UGT2B15: variants seen among roughly 807,000 people sequenced by gnomAD.
The protein encoded by UGT2B15 is UDP glucuronosyltransferase family 2 member B15.
UGT2B15 carries 36 observed loss-of-function variants against 45.9 expected under a neutral mutation model. The observed-to-expected ratio is 0.78, with a 90% confidence interval of 0.60 to 1.04. The LOEUF is 1.04. Ranked by LOEUF, UGT2B15 falls within the 50% of genes least tolerant of loss-of-function variation. UGT2B15 has a pLI of 0.00. For synonymous variants in UGT2B15, 219 were observed against 216.4 expected (o/e 1.01, Z -0.11); for missense variants, 617 against 622.4 (o/e 0.99, Z 0.09).
rs142591974 is a variant in UGT2B15 at position 68,648,495 on chromosome 4, C to T, written c.1314-1112G>A. ...CTTTTCCTGGCCACACTATAGGCAC[C>T]CATAGGATTTCTCTAGTGCTTCATG... On this transcript the variant is annotated intron_variant, in intron 5 of 5. Transcript: ENST00000338206. 3.7e-3 allele frequency among the ~76,000 whole-genome samples: 563 copies of T among 152,146 alleles called. 8 individuals are homozygous for T. Among genetic ancestry groups the T allele is most frequent in the African/African-American group, 0.013 (546 of 41,480 alleles).
chr4:68,655,005 A>G, intron 4 of UGT2B15, 90 bp downstream of exon 4: 1 of 1,442,884 alleles, frequency 6.9e-7, no homozygotes. Flanking sequence ...TTCCAATAAT[A>G]AATGCTAAAT....
rs187225745 is a variant in UGT2B15 at position 68,660,416 on chromosome 4, T to G, written c.1005+2592A>C. On this transcript the variant is annotated intron_variant, in intron 3 of 5. Coordinates refer to ENST00000338206, the MANE Select transcript of UGT2B15 (RefSeq NM_001076.4). ...ATTTGATGGTAGAAATCTATGGCTT[T>G]CCTCAGCTTTAAAAAAGTCCTATCT... 1.9e-3 allele frequency among the ~76,000 whole-genome samples: 293 copies of G among 151,814 alleles called. 1 individual carries two copies. The highest frequency in any genetic ancestry group is 6.1e-3 in the African/African-American group (252 of 41,202).
chr4:68,651,096 T>C (rs1463426936), intron 5 of UGT2B15, among the ~76,000 whole-genome samples: 1 of 151,534 alleles, frequency 6.6e-6, no homozygotes, highest in African/African-American at 2.4e-5. Flanking sequence ...CCTCATTCTG[T>C]AGGTTGCCTG....
intron 4 of UGT2B15, among the ~76,000 whole-genome samples, chr4:68,654,737 A>G (rs1732754292): frequency 6.6e-6 from 1 of 151,934 alleles, no homozygotes; most frequent in African/African-American, 2.4e-5. Context: ...AGTGTCCGCT[A>G]TTTTTCAGTG....
At chr4:68,659,959 T>C (rs1732916716) in intron 3 of UGT2B15, among the ~76,000 whole-genome samples, 1 of 151,740 alleles carries the variant, frequency 6.6e-6, no homozygotes, top group South Asian at 2.1e-4. Flanking sequence ...GAATCTTTTT[T>C]TTTTTGAGCT....
In UGT2B15 at chr4:68,647,013, GA is replaced by G; in HGVS notation, c.*90del. On this transcript the variant is annotated 3_prime_UTR_variant, in exon 6 of 6. Transcript: ENST00000338206. Reference sequence around the variant, plus strand: ...GTTGTGAAAAGATGTTTTGTCACAGGAAAAAGGAAATCCTCCATTTAAAACC... The same window carrying G: ...GTTGTGAAAAGATGTTTTGTCACAGGAAAAGGAAATCCTCCATTTAAAACC... 7.3e-6 allele frequency: 11 copies of G among 1,506,758 alleles called. No homozygotes were observed. The highest frequency in any genetic ancestry group is 9.8e-6 in the Non-Finnish European group (11 of 1,126,082). The allele number at this position is 1,506,758 out of a possible 1,614,324, so 93.3% of individuals were successfully genotyped here. A position where few individuals can be genotyped will look rare whatever the true frequency, so the allele number is the denominator to read the frequency against.
intron 3 of UGT2B15, among the ~76,000 whole-genome samples, chr4:68,656,640 C>G (rs1266975844): frequency 6.6e-6 from 1 of 152,136 alleles, no homozygotes; most frequent in Non-Finnish European, 1.5e-5. Flanking sequence ...ACTTTTCCTC[C>G]ACCCTATACC....
At chr4:68,667,335 A>G (rs1293281397) in intron 2 of UGT2B15, among the ~76,000 whole-genome samples, 2 of 151,894 alleles carry the variant, frequency 1.3e-5, no homozygotes, top group East Asian at 3.9e-4. Flanking sequence ...ATGCCTGGCT[A>G]TTATTTTATT....
chr4:68,664,425 A>G (rs772662561), intron 2 of UGT2B15, among the ~76,000 whole-genome samples: 4 of 152,116 alleles, frequency 2.6e-5, no homozygotes, highest in Non-Finnish European at 4.4e-5. Context: ...CCCTTCTGTC[A>G]TAACAAATAT....
chr4:68,657,111 G>A (rs1276755703), intron 3 of UGT2B15, among the ~76,000 whole-genome samples: 2 of 152,126 alleles, frequency 1.3e-5, no homozygotes, highest in Non-Finnish European at 2.9e-5. Context: ...GGATTTGTGT[G>A]AGAAACTGAA....
In UGT2B15 at chr4:68,667,655, T is replaced by A. The variant is rs1484765941; in HGVS notation, c.873+385A>T. 4.6e-5 allele frequency among the ~76,000 whole-genome samples: 7 copies of A among 152,312 alleles called. No homozygotes were observed. The South Asian group carries it at 8.3e-4, about 18-fold the overall frequency. On this transcript the variant is annotated intron_variant, in intron 2 of 5. Coordinates refer to ENST00000338206, the MANE Select transcript of UGT2B15 (RefSeq NM_001076.4). Reference sequence around the variant, plus strand: ...CTTTTTCACTTGTTTTTATTCTATCTTTCAAAGTACAATGTAAGGCATGAG... The same window carrying A: ...CTTTTTCACTTGTTTTTATTCTATCATTCAAAGTACAATGTAAGGCATGAG...
chr4:68,648,244 A>T (rs1732539868), intron 5 of UGT2B15, among the ~76,000 whole-genome samples: 1 of 151,860 alleles, frequency 6.6e-6, no homozygotes, highest in Non-Finnish European at 1.5e-5. Context: ...GGTCTAGAGA[A>T]CTCTACACAG....
Position 68,654,020 on chromosome 4 carries a change from A to G in UGT2B15, c.1313+17T>C, listed in dbSNP as rs761191591. The G allele has an allele frequency of 1.2e-6, 2 of 1,606,604 alleles. No homozygotes were observed. The highest frequency in any genetic ancestry group is 2.2e-5 in the South Asian group (2 of 90,592). On this transcript the variant is annotated intron_variant, in intron 5 of 5. Coordinates refer to ENST00000338206, the MANE Select transcript of UGT2B15 (RefSeq NM_001076.4). ...TAATTTATAAATACCACCTGGTCAC[A>G]AAACTGTAATACTCACACAGGGTCA...
rs1172427126 is a variant in UGT2B15, at chr4:68,666,746, A to ATTTT, written c.873+1293_873+1294insAAAA. On this transcript the variant is annotated intron_variant, in intron 2 of 5. Transcript: ENST00000338206. Reference sequence around the variant, plus strand: ...TATATCAAATTACATATATATATATATATATATTTTTTTTTTTTGAGACAG... The same window carrying ATTTT: ...TATATCAAATTACATATATATATATATTTTTATATATTTTTTTTTTTTGAGACAG... Among the ~76,000 whole-genome samples the ATTTT allele has an allele frequency of 3.2e-4, 23 of 71,108 alleles. No individual in the cohort carries two copies. The East Asian group carries it at 5.4e-3, about 17-fold the overall frequency. The allele number at this position is 71,108 out of a possible 152,430, so 46.6% of individuals were successfully genotyped here.
intron 1 of UGT2B15, among the ~76,000 whole-genome samples, chr4:68,669,168 G>A (rs1578201948): frequency 6.6e-6 from 1 of 151,966 alleles, no homozygotes; most frequent in East Asian, 1.9e-4. Context: ...ATTTACAAAT[G>A]AGAATTAAAA....
chr4:68,648,265 G>C (rs924288108), intron 5 of UGT2B15, among the ~76,000 whole-genome samples: 2 of 152,036 alleles, frequency 1.3e-5, no homozygotes, highest in Non-Finnish European at 2.9e-5. Flanking sequence ...GCACCTACTT[G>C]TCCTAGCCCT....
Position 68,647,070 on chromosome 4 carries a change from C to A in UGT2B15, c.*34G>T, listed in dbSNP as rs1168022811. On this transcript the variant is annotated 3_prime_UTR_variant, in exon 6 of 6. Transcript: ENST00000338206. ...TGCTGAAATAAAGGAGGAGTCCCAT[C>A]TTTCAGTCATTCCACTTCAGGCTTT... 1 of 1,586,646 alleles carries A rather than the reference C, an allele frequency of 6.3e-7. No homozygotes were observed. Among genetic ancestry groups the A allele is most frequent in the East Asian group, 2.2e-5 (1 of 44,648 alleles).
chr4:68,666,333 A>T (rs1733117539), intron 2 of UGT2B15, among the ~76,000 whole-genome samples: 1 of 152,178 alleles, frequency 6.6e-6, no homozygotes, highest in Non-Finnish European at 1.5e-5. Flanking sequence ...TTGGAAAATC[A>T]ATCACTATTA....
In UGT2B15 at chr4:68,655,072, CTGTT is replaced by C. The variant is rs1379052661; in HGVS notation, c.1093+19_1093+22del. 4 of 1,607,368 alleles carry C rather than the reference CTGTT, an allele frequency of 2.5e-6. No homozygotes were observed. The highest frequency in any genetic ancestry group is 2.7e-5 in the African/African-American group (2 of 74,740). ...CAATTTGCTGTTACTAATATATTCACTGTTTGTTCTCCAGAATCTTACCAAGAAG... is the reference window on the plus strand; with the variant it reads ...CAATTTGCTGTTACTAATATATTCACTGTTCTCCAGAATCTTACCAAGAAG... On this transcript the variant is annotated intron_variant, in intron 4 of 5. Transcript: ENST00000338206.
Sources: gnomAD v4.1 joint callset for allele counts (sites outside exome capture counted in the v4.1 genomes callset) on GRCh38, gnomAD v4.1.1 for gene constraint, MANE v1.5 for transcripts, NCBI Gene and HGNC (gene_info 2026-07-23, HGNC 2026-07-21) for gene names.